TESMIN: variants seen among roughly 807,000 people sequenced by gnomAD.
TESMIN encodes the protein CXC domain containing 2.
TESMIN carries 34 observed loss-of-function variants against 47.4 expected under a neutral mutation model. The observed-to-expected ratio is 0.72, with a 90% CI of 0.55 to 0.96. TESMIN has a LOEUF of 0.96. TESMIN is among the 40% of genes least tolerant of loss of function. The probability of loss-of-function intolerance (pLI) is 0.00; values close to 1 mark genes in which losing one functional copy is unlikely to be tolerated. For synonymous variants in TESMIN, 278 were observed against 258.9 expected (o/e 1.07, Z -0.71); for missense variants, 610 against 637.2 (o/e 0.96, Z 0.46).
At chr11:68,734,840 G>T (rs528079500) in intron 6 of TESMIN, among the ~76,000 whole-genome samples, 1 of 152,314 alleles carries the variant, frequency 6.6e-6, no homozygotes, top group African/African-American at 2.4e-5. Flanking sequence ...CCGAGCGCCC[G>T]CACGCTCAGC....
chr11:68,714,057 A>G (rs893101862), intron 7 of TESMIN, among the ~76,000 whole-genome samples: 24 of 152,206 alleles, frequency 1.6e-4, no homozygotes, highest in Admixed American at 7.2e-4. Context: ...TCCCTTTTTA[A>G]TCTATCTATA....
chr11:68,743,217 G>T (rs1391195491), intron 4 of TESMIN, among the ~76,000 whole-genome samples: 1 of 150,192 alleles, frequency 6.7e-6, no homozygotes, highest in Admixed American at 6.6e-5. Flanking sequence ...GACATCTATT[G>T]GATACCACAG....
rs142256056 is a variant in TESMIN at position 68,718,127 on chromosome 11, C to T, written c.918-2188G>A. Among the ~76,000 whole-genome samples, 6 of 81,666 alleles carry T rather than the reference C, an allele frequency of 7.3e-5. No homozygotes were observed. The East Asian group carries it at 2.4e-3, about 33-fold the overall frequency. 53.6% of individuals were successfully genotyped at this position (81,666 alleles called of 152,430 possible). On this transcript the variant is annotated intron_variant, in intron 6 of 9. Transcript: ENST00000255087. ...TCAGCTACAGCCCCCAGACAGCCCA[C>T]TCCTCAGCTACAGCCCCCCGGTCAG...
chr11:68,707,847 A>G lies in TESMIN; in HGVS notation c.*461T>C. The G allele has an allele frequency of 2.2e-6, 1 of 456,450 alleles. No homozygotes were observed. The highest frequency in any genetic ancestry group is 4.4e-6 in the Non-Finnish European group (1 of 227,080). 28.3% of individuals were successfully genotyped at this position (456,450 alleles called of 1,614,324 possible). A position where few individuals can be genotyped will look rare whatever the true frequency, so the allele number is the denominator to read the frequency against. ...GGTATCACAACAGCCCATCCGGAGA[A>G]CTTATTTCTAAATAATTTGAAAAAC... is the stretch of plus-strand genomic sequence containing the variant. On this transcript the variant is annotated 3_prime_UTR_variant, in exon 10 of 10. Transcript: ENST00000255087.
intron 7 of TESMIN, among the ~76,000 whole-genome samples, chr11:68,714,747 T>C (rs979983828): frequency 6.6e-6 from 1 of 152,220 alleles, no homozygotes; most frequent in African/African-American, 2.4e-5. Context: ...CCAGTGGACA[T>C]TGGCGCTTGC....
intron 6 of TESMIN, among the ~76,000 whole-genome samples, chr11:68,716,431 C>T (rs747064743): frequency 2.0e-5 from 3 of 152,238 alleles, no homozygotes; most frequent in Non-Finnish European, 4.4e-5. Context: ...GGCCTTAACT[C>T]GCTTTCATTC....
In TESMIN at chr11:68,710,993, T is replaced by C; in HGVS notation, c.1215A>G (p.Glu405=). ...TCATTAGTGTCTTTCGTTCTGGGCT[T>C]TCTTCATAATTTTTGCAACCAATGC... The part of the protein sequence containing the change: ...CKCIGCKNYE[E]SPERKTLMSM... The change falls in exon 9 of 10, where the codon GAA becomes GAG. Residue 405 remains glutamate, a synonymous_variant. Coordinates refer to ENST00000255087, the MANE Select transcript of TESMIN (RefSeq NM_004923.3). 6.2e-7 allele frequency: 1 copy of C among 1,613,860 alleles called. No homozygotes were observed. Among genetic ancestry groups the C allele is most frequent in the Non-Finnish European group, 8.5e-7 (1 of 1,179,892 alleles).
At chr11:68,743,316 G>A (rs1946481421) in intron 4 of TESMIN, among the ~76,000 whole-genome samples, 1 of 145,858 alleles carries the variant, frequency 6.9e-6, no homozygotes, top group Non-Finnish European at 1.5e-5. Flanking sequence ...TTGGCTCACT[G>A]CAGCCTCAGC....
chr11:68,708,400 G>A lies in TESMIN; in HGVS notation c.1435C>T (p.Leu479=). The A allele has an allele frequency of 6.2e-7, 1 of 1,614,178 alleles. No individual in the cohort carries two copies. Residue 479 remains leucine, a synonymous_variant, in exon 10 of 10, where the codon CTG becomes TTG. Coordinates refer to ENST00000255087, the MANE Select transcript of TESMIN (RefSeq NM_004923.3). ...EAEKEHCSKC[L]AEQMILEEFG... is the part of the protein sequence containing the mutation. ...TCCTCCAGGATCATCTGCTCTGCCA[G>A]GCACTTGGAGCAGTGTTCTTTCTCG...
intron 6 of TESMIN, among the ~76,000 whole-genome samples, chr11:68,720,703 C>T (rs1946194877): frequency 6.6e-6 from 1 of 152,228 alleles, no homozygotes; most frequent in South Asian, 2.1e-4. Context: ...TGTGTTGGTT[C>T]TGACAATTAC....
chr11:68,748,014 G>C (rs1237377716), intron 2 of TESMIN, among the ~76,000 whole-genome samples: 1 of 152,162 alleles, frequency 6.6e-6, no homozygotes, highest in Admixed American at 6.5e-5. Context: ...AGGAGGACTG[G>C]GAAACCCACG....
rs1946018946 is a variant in TESMIN at position 68,708,197 on chromosome 11, AGG to A, written c.*109_*110del. On this transcript the variant is annotated 3_prime_UTR_variant, in exon 10 of 10. Coordinates refer to ENST00000255087, the MANE Select transcript of TESMIN (RefSeq NM_004923.3). ...GTAAACTCCCTGGGCCCAGGGATGCAGGGGAGCCTGGTTGTTGCTGCAGAGCC... is the reference window on the plus strand; with the variant it reads ...GTAAACTCCCTGGGCCCAGGGATGCAGGAGCCTGGTTGTTGCTGCAGAGCC... 7 of 1,086,116 alleles carry A rather than the reference AGG, an allele frequency of 6.4e-6. No homozygotes were observed. The East Asian group carries it at 1.7e-4, about 27-fold the overall frequency. 67.3% of individuals were successfully genotyped at this position (1,086,116 alleles called of 1,614,324 possible). A position where few individuals can be genotyped will look rare whatever the true frequency, so the allele number is the denominator to read the frequency against.
chr11:68,716,051 T>C, intron 6 of TESMIN, 112 bp from the exon 7 acceptor site: 1 of 689,008 alleles, frequency 1.5e-6, no homozygotes, highest in Non-Finnish European at 2.5e-6. Context: ...GTCAGAACAC[T>C]GAACACTTTC....
chr11:68,716,035 G>GA, intron 6 of TESMIN, 96 bp from the exon 7 acceptor site: 1 of 783,424 alleles, frequency 1.3e-6, no homozygotes, highest in Non-Finnish European at 2.2e-6. Context: ...CGGGCAGTGT[G>GA]CTGCAGTCAG....
intron 7 of TESMIN, 87 bp from the exon 8 acceptor site, chr11:68,713,494 T>C: frequency 1.4e-6 from 2 of 1,458,156 alleles, no homozygotes; most frequent in South Asian, 1.2e-5. Flanking sequence ...AATCTGATTG[T>C]TGTAAAAGAT....
intron 6 of TESMIN, among the ~76,000 whole-genome samples, chr11:68,721,194 G>C (rs1261451602): frequency 6.6e-6 from 1 of 152,128 alleles, no homozygotes; most frequent in Non-Finnish European, 1.5e-5. Context: ...TGAGCATGTA[G>C]ATGTTTTATA....
At chr11:68,736,958 G>A (rs72943208) in intron 6 of TESMIN, 93,269 of 985,362 alleles carry the variant, frequency 0.095, 4,678 homozygotes, top group Non-Finnish European at 0.1. Flanking sequence ...AGAGGGTGCT[G>A]CAACTGGGAG....
Position 68,708,357 on chromosome 11 carries a change from G to A in TESMIN, c.1478C>T (p.Ser493Leu). 1.2e-6 allele frequency: 2 copies of A among 1,613,718 alleles called. No individual in the cohort carries two copies. The highest frequency in any genetic ancestry group is 8.5e-7 in the Non-Finnish European group (1 of 1,179,836). ...MILEEFGRCL[S>L]QILHTEFKSK... ...TTTAAACTCAGTGTGGAGAATCTGT[G>A]ATAAGCACCTTCCAAATTCCTCCAG... The change falls in exon 10 of 10, where the codon TCA becomes TTA. Residue 493 changes from serine (S) to leucine (L), a missense_variant. By Grantham distance (145) the Ser-to-Leu change is moderately radical. Coordinates refer to ENST00000255087, the MANE Select transcript of TESMIN (RefSeq NM_004923.3).
At chr11:68,742,046 A>G (rs554897681) in intron 5 of TESMIN, among the ~76,000 whole-genome samples, 1 of 152,350 alleles carries the variant, frequency 6.6e-6, no homozygotes, top group Non-Finnish European at 1.5e-5. Flanking sequence ...CACAGAGGAC[A>G]AGTTAGCAAG....
Sources: allele counts gnomAD v4.1 joint callset (sites outside exome capture counted in the v4.1 genomes callset), GRCh38; gene constraint gnomAD v4.1.1; transcripts MANE v1.5; gene names NCBI Gene and HGNC (gene_info 2026-07-23, HGNC 2026-07-21).